Variants in SYT6 observed in about 807,000 individuals in gnomAD.
SYT6 encodes synaptotagmin-6.
Under a neutral mutation model 38.4 loss-of-function variants are expected in SYT6, and 24 were observed. The observed-to-expected ratio is 0.62, with a 90% CI of 0.45 to 0.88. The LOEUF is 0.88. Ranked by LOEUF, SYT6 falls within the 40% of genes least tolerant of loss-of-function variation. SYT6 has a pLI of 0.00. For missense variants in SYT6, 611 were observed against 621.0 expected, an observed-to-expected ratio of 0.98 and a Z score of 0.17; for synonymous variants, 265 against 241.9, an observed-to-expected ratio of 1.10 and a Z score of -0.89.
At chr1:114,115,479 C>A (rs185869376) in intron 3 of SYT6, among the ~76,000 whole-genome samples, 71 of 150,260 alleles carry the variant, frequency 4.7e-4, no homozygotes, top group African/African-American at 1.7e-3. Flanking sequence ...TGCAGTGGTG[C>A]GATCTCGGCT....
chr1:114,098,737 G>A (rs1675793387), intron 5 of SYT6, among the ~76,000 whole-genome samples: 1 of 152,182 alleles, frequency 6.6e-6, no homozygotes, highest in South Asian at 2.1e-4. Context: ...GCCATCCCAG[G>A]GTGACAGTAG....
intron 3 of SYT6, among the ~76,000 whole-genome samples, chr1:114,108,923 C>G (rs1387896379): frequency 6.6e-6 from 1 of 152,190 alleles, no homozygotes; most frequent in Non-Finnish European, 1.5e-5. Context: ...ATCCGCTATA[C>G]TTTCAGGAAA....
intron 4 of SYT6, among the ~76,000 whole-genome samples, chr1:114,102,047 T>C (rs72628776): frequency 0.04 from 6,116 of 152,234 alleles, 656 homozygotes; most frequent in East Asian, 0.39. Context: ...AACCCTCTGA[T>C]TCAGAGCAGC....
intron 4 of SYT6, among the ~76,000 whole-genome samples, chr1:114,100,313 G>C (rs914719183): frequency 6.6e-6 from 1 of 152,166 alleles, no homozygotes; most frequent in Non-Finnish European, 1.5e-5. Context: ...CAGGGCTCCT[G>C]TGAATCTGTC....
chr1:114,111,967 A>C (rs1240202839), intron 3 of SYT6, among the ~76,000 whole-genome samples: 1 of 152,146 alleles, frequency 6.6e-6, no homozygotes, highest in Admixed American at 6.5e-5. Flanking sequence ...CTAGGGCTTC[A>C]GCAAGAATGC....
At chr1:114,109,013 G>T (rs189766097) in intron 3 of SYT6, among the ~76,000 whole-genome samples, 3 of 113,268 alleles carry the variant, frequency 2.6e-5, no homozygotes, top group East Asian at 3.9e-4. Flanking sequence ...GGGAGGGTAG[G>T]GGGGCTGGAA....
chr1:114,107,326 G>A (rs1306343908), intron 3 of SYT6, among the ~76,000 whole-genome samples: 1 of 152,222 alleles, frequency 6.6e-6, no homozygotes, highest in African/African-American at 2.4e-5. Context: ...CAGGACCCCT[G>A]CTCTTTCTCA....
At chr1:114,125,563 C>T (rs1260895546) in intron 3 of SYT6, among the ~76,000 whole-genome samples, 1 of 150,804 alleles carries the variant, frequency 6.6e-6, no homozygotes, top group Non-Finnish European at 1.5e-5. Flanking sequence ...GAATGAGGGC[C>T]AGATGGGCTC....
chr1:114,136,074 A>G (rs989078023), intron 3 of SYT6, among the ~76,000 whole-genome samples: 3 of 152,132 alleles, frequency 2.0e-5, no homozygotes, highest in Non-Finnish European at 4.4e-5. Context: ...CAGGAAAGCA[A>G]AGGTGGGGGA....
At chr1:114,092,657 C>T (rs1009319017) in intron 7 of SYT6, among the ~76,000 whole-genome samples, 1 of 152,118 alleles carries the variant, frequency 6.6e-6, no homozygotes, top group African/African-American at 2.4e-5. Flanking sequence ...GCTTCTGCAA[C>T]CCCTTTCTCC....
chr1:114,151,951 C>A (rs906906725), intron 1 of SYT6, among the ~76,000 whole-genome samples: 1 of 152,182 alleles, frequency 6.6e-6, no homozygotes, highest in African/African-American at 2.4e-5. Context: ...TCAGTCCCTT[C>A]TGCTGCAGTG....
At chr1:114,108,497 C>T (rs186767988) in intron 3 of SYT6, among the ~76,000 whole-genome samples, 1 of 152,232 alleles carries the variant, frequency 6.6e-6, no homozygotes, top group East Asian at 1.9e-4. Context: ...ATCTCTGGTC[C>T]TTGGGCTATA....
chr1:114,105,171 T>C (rs1404477275), intron 3 of SYT6, among the ~76,000 whole-genome samples: 1 of 152,056 alleles, frequency 6.6e-6, no homozygotes, highest in African/African-American at 2.4e-5. Flanking sequence ...GCTACAGTTG[T>C]TGAATGTTTA....
At chr1:114,103,230 C>A (rs570909365) in intron 4 of SYT6, among the ~76,000 whole-genome samples, 86 of 152,282 alleles carry the variant, frequency 5.6e-4, no homozygotes, top group African/African-American at 2.1e-3. Context: ...GAAAACTTAT[C>A]CTTAATTTTT....
rs912797533 is a variant in SYT6 at position 114,153,754 on chromosome 1, C to A, written c.19G>T (p.Ala7Ser). 1.3e-5 allele frequency: 9 copies of A among 680,178 alleles called. No homozygotes were observed. Among genetic ancestry groups the A allele is most frequent in the Non-Finnish European group, 2.1e-5 (8 of 375,502 alleles). The allele number at this position is 680,178 out of a possible 1,614,324, so 42.1% of individuals were successfully genotyped here. A position where few individuals can be genotyped will look rare whatever the true frequency, so the allele number is the denominator to read the frequency against. Reference sequence around the variant, plus strand: ...GCCTCCTGGCACCGAGGCCCGCCGGCCCCCCACACTCCGCTCATGCCCTAG... The same window carrying A: ...GCCTCCTGGCACCGAGGCCCGCCGGACCCCCACACTCCGCTCATGCCCTAG... MSGVWGAGGPRCQEALA... is the reference protein window; with the variant it reads MSGVWGSGGPRCQEALA... The change falls in exon 1 of 8, where the codon GCC (alanine) becomes TCC (serine). Residue 7 changes from alanine to serine, a missense_variant. Coordinates refer to ENST00000610222, the MANE Select transcript of SYT6 (RefSeq NM_001253772.2).
intron 1 of SYT6, among the ~76,000 whole-genome samples, chr1:114,143,450 TAA>T (rs926077551): frequency 2.7e-4 from 40 of 148,060 alleles, no homozygotes; most frequent in Admixed American, 1.2e-3. Context: ...TAGCACAGTT[TAA>T]AAGTTATATA....
chr1:114,129,038 T>C (rs1677919955), intron 3 of SYT6, among the ~76,000 whole-genome samples: 1 of 152,194 alleles, frequency 6.6e-6, no homozygotes, highest in South Asian at 2.1e-4. Flanking sequence ...GTATCTCAAA[T>C]ATGACATGTC....
chr1:114,114,908 G>T (rs1052856323), intron 3 of SYT6, among the ~76,000 whole-genome samples: 4 of 152,218 alleles, frequency 2.6e-5, no homozygotes, highest in Non-Finnish European at 5.9e-5. Flanking sequence ...TGGGCTGCTG[G>T]ACTGGTCCTG....
chr1:114,099,089 C>CCTAGTCCCTCTAGGA lies in SYT6; in HGVS notation c.1364+4_1364+5insTCCTAGAGGGACTAG. The CCTAGTCCCTCTAGGA allele has an allele frequency of 6.2e-7, 1 of 1,610,172 alleles. No homozygotes were observed. Among genetic ancestry groups the CCTAGTCCCTCTAGGA allele is most frequent in the East Asian group, 2.2e-5 (1 of 44,828 alleles). On this transcript the variant is annotated splice_donor_region_variant and intron_variant, in intron 5 of 7. Coordinates refer to ENST00000610222, the MANE Select transcript of SYT6 (RefSeq NM_001253772.2). ...GAATTACGTCCCTCTAGGACGCCTA[C>CCTAGTCCCTCTAGGA]CTACCGATCATAGTCCATGACTGAG...
Sources: allele counts gnomAD v4.1 joint callset (sites outside exome capture counted in the v4.1 genomes callset), GRCh38; gene constraint gnomAD v4.1.1; transcripts MANE v1.5; gene names NCBI Gene and HGNC (gene_info 2026-07-23, HGNC 2026-07-21).